The following UIMC1 variants were observed in gnomAD, a reference collection of about 807,000 sequenced individuals.
The protein encoded by UIMC1 is ubiquitin interaction motif containing 1.
Under a neutral mutation model 84.9 loss-of-function variants are expected in UIMC1, and 42 were observed. The ratio of observed to expected loss-of-function variants is 0.49; its 90% CI spans 0.39 to 0.64. UIMC1 has a LOEUF of 0.64. Ranked by LOEUF, UIMC1 falls within the 30% of genes least tolerant of loss-of-function variation. The pLI is 0.00. For missense variants in UIMC1, 825 were observed against 847.6 expected (o/e 0.97, Z 0.33); for synonymous variants, 281 against 293.0 (o/e 0.96, Z 0.42).
chr5:176,969,669 C>G lies in UIMC1; in HGVS notation c.395G>C (p.Arg132Pro). The change falls in exon 5 of 15, where the codon CGA becomes CCA. Residue 132 changes from arginine to proline, a missense_variant. Transcript: ENST00000511320. ...RPSDASATRS[R>P]PLATGPSSQS... The stretch of plus-strand genomic sequence containing the variant: ...GGAAGACGGTCCAGTGGCCAGAGGT[C>G]GAGATCTGGTAGCGGAAGCATCAGA... 1 of 1,614,024 alleles carries G rather than the reference C, an allele frequency of 6.2e-7. No homozygotes were observed. Among genetic ancestry groups the G allele is most frequent in the Non-Finnish European group, 8.5e-7 (1 of 1,180,026 alleles).
chr5:176,957,864 C>T (rs1248989286), intron 7 of UIMC1, among the ~76,000 whole-genome samples: 1 of 152,134 alleles, frequency 6.6e-6, no homozygotes, highest in Non-Finnish European at 1.5e-5. Context: ...AGATAGCTGG[C>T]CTGGACAAGA....
chr5:176,992,053 G>A (rs1306378272), intron 1 of UIMC1, among the ~76,000 whole-genome samples: 1 of 152,028 alleles, frequency 6.6e-6, no homozygotes, highest in Non-Finnish European at 1.5e-5. Flanking sequence ...GCCTAGGGAG[G>A]TGGAGGCTGC....
chr5:177,007,674 AAATC>A (rs74945381), upstream of UIMC1, among the ~76,000 whole-genome samples: 1 of 152,242 alleles, frequency 6.6e-6, no homozygotes, highest in Non-Finnish European at 1.5e-5. Flanking sequence ...TGTTTACAGA[AAATC>A]TATGTGTGTA....
At chr5:176,957,941 A>T in intron 7 of UIMC1, 152 bp downstream of exon 7, 2 of 535,000 alleles carry the variant, frequency 3.7e-6, no homozygotes, top group Non-Finnish European at 6.4e-6. Flanking sequence ...CTGAGAACTT[A>T]GAGATACTAA....
chr5:176,916,915 G>C (rs1335076609), intron 10 of UIMC1, among the ~76,000 whole-genome samples: 1 of 152,082 alleles, frequency 6.6e-6, no homozygotes, highest in Non-Finnish European at 1.5e-5. Context: ...ATTCAAAGAG[G>C]AGGAACAATC....
intron 2 of UIMC1, 36 bp from the exon 3 acceptor site, chr5:176,975,516 C>A: frequency 6.2e-7 from 1 of 1,606,784 alleles, no homozygotes; most frequent in South Asian, 1.1e-5. Flanking sequence ...AGTGTGGCTG[C>A]CACTAAAAGT....
Position 176,905,126 on chromosome 5 carries a change from C to G in UIMC1, c.*156G>C. On this transcript the variant is annotated 3_prime_UTR_variant, in exon 15 of 15. Transcript: ENST00000511320. ...AGAATACACAGTTGTCTGCATAGATCATAAAAAACATAAAAACCAGAATGC... is the reference window on the plus strand; with the variant it reads ...AGAATACACAGTTGTCTGCATAGATGATAAAAAACATAAAAACCAGAATGC... The G allele has an allele frequency of 1.5e-6, 1 of 672,434 alleles. No individual in the cohort carries two copies. Among genetic ancestry groups the G allele is most frequent in the Non-Finnish European group, 2.5e-6 (1 of 402,554 alleles). 41.7% of individuals were successfully genotyped at this position (672,434 alleles called of 1,614,324 possible).
chr5:176,992,118 A>T (rs1333139398), intron 1 of UIMC1, among the ~76,000 whole-genome samples: 1 of 151,346 alleles, frequency 6.6e-6, no homozygotes, highest in Non-Finnish European at 1.5e-5. Flanking sequence ...GTGAGACCTC[A>T]TCTCAAAAGA....
intron 8 of UIMC1, among the ~76,000 whole-genome samples, chr5:176,954,135 C>T (rs143772796): frequency 7.2e-5 from 11 of 152,132 alleles, no homozygotes; most frequent in African/African-American, 1.4e-4. Flanking sequence ...AGCTATCTAA[C>T]CTCAGTATGA....
chr5:176,986,746 G>A (rs1288967306), intron 1 of UIMC1, among the ~76,000 whole-genome samples: 1 of 152,044 alleles, frequency 6.6e-6, no homozygotes, highest in Non-Finnish European at 1.5e-5. Context: ...CTGGGCAACA[G>A]GGCATGGTTC....
chr5:176,932,540 GACAGACAA>G (rs1763238333), intron 10 of UIMC1, among the ~76,000 whole-genome samples: 1 of 152,166 alleles, frequency 6.6e-6, no homozygotes, highest in African/African-American at 2.4e-5. Flanking sequence ...CAGACAGACA[GACAGACAA>G]ACATCAGCAG....
At chr5:176,980,258 G>C (rs149641065) in intron 2 of UIMC1, 1 of 151,936 alleles carries the variant, frequency 6.6e-6, no homozygotes, top group South Asian at 2.1e-4. Context: ...AATTCCATCC[G>C]TCTGTCCATC....
upstream of UIMC1, among the ~76,000 whole-genome samples, chr5:177,009,340 T>C (rs187001439): frequency 1.3e-5 from 2 of 152,076 alleles, no homozygotes; most frequent in Non-Finnish European, 2.9e-5. This position sits in a 1 kb window ranked among gnomAD's most constrained non-coding sequence, Gnocchi z 4.3. Flanking sequence ...TTGGGGTAAT[T>C]TGTTATATAA....
At chr5:176,980,065 G>A (rs1429719068) in intron 2 of UIMC1, 1 of 152,158 alleles carries the variant, frequency 6.6e-6, no homozygotes, top group Admixed American at 6.6e-5. Context: ...TTGGACATCA[G>A]AATTCCAGGC....
At chr5:176,917,762 C>T (rs1227546566) in intron 10 of UIMC1, among the ~76,000 whole-genome samples, 2 of 152,228 alleles carry the variant, frequency 1.3e-5, no homozygotes, top group Non-Finnish European at 2.9e-5. Flanking sequence ...GAGTTCGTGA[C>T]CAGCCTGACC....
At chr5:177,018,070 G>T (rs535373300) in intron 1 of UIMC1, among the ~76,000 whole-genome samples, 1 of 151,996 alleles carries the variant, frequency 6.6e-6, no homozygotes, top group African/African-American at 2.4e-5. Flanking sequence ...AGAGTTTAAG[G>T]CTGGGCGTGG....
At chr5:176,933,931 C>A (rs951731560) in intron 10 of UIMC1, among the ~76,000 whole-genome samples, 6 of 152,148 alleles carry the variant, frequency 3.9e-5, no homozygotes, top group Admixed American at 1.3e-4. Context: ...CCTTACTCCA[C>A]CAATCACCAA....
chr5:176,997,627 G>A (rs1438648647), intron 1 of UIMC1, among the ~76,000 whole-genome samples: 1 of 145,996 alleles, frequency 6.8e-6, no homozygotes, highest in Non-Finnish European at 1.5e-5. Context: ...GGAGCTTGCA[G>A]TGAGCAGAGA....
chr5:177,006,060 A>G (rs1775215472), intron 1 of UIMC1, among the ~76,000 whole-genome samples: 1 of 152,186 alleles, frequency 6.6e-6, no homozygotes, highest in African/African-American at 2.4e-5. Context: ...ACAACAAAAC[A>G]GCAACCCGGC....
Sources: allele counts gnomAD v4.1 joint callset (sites outside exome capture counted in the v4.1 genomes callset), GRCh38; gene constraint gnomAD v4.1.1; non-coding constraint Gnocchi (gnomAD v3.1); transcripts MANE v1.5; gene names NCBI Gene and HGNC (gene_info 2026-07-23, HGNC 2026-07-21).